The following DCUN1D4 variants were observed in gnomAD, a reference collection of about 807,000 sequenced individuals.
DCUN1D4 encodes DCN1-like protein 4.
Under a neutral mutation model 47.9 loss-of-function variants are expected in DCUN1D4, and 22 were observed. The observed-to-expected ratio is 0.46, with a 90% CI of 0.33 to 0.66. DCUN1D4 has a LOEUF of 0.66. DCUN1D4 is among the 30% of genes least tolerant of loss of function. DCUN1D4 has a pLI of 0.02. For synonymous variants in DCUN1D4, 121 were observed against 112.2 expected, an observed-to-expected ratio of 1.08 and a Z score of -0.50; for missense variants, 301 against 340.8, an observed-to-expected ratio of 0.88 and a Z score of 0.92.
chr4:51,885,297 T>TG (rs926439934), intron 5 of DCUN1D4, among the ~76,000 whole-genome samples: 23 of 152,262 alleles, frequency 1.5e-4, no homozygotes, highest in African/African-American at 5.5e-4. Context: ...TGAAAGAGCA[T>TG]GGTGCAGGAG....
rs548271504 is a variant in DCUN1D4, at chr4:51,894,871, G to A, written c.506+3020G>A. Among the ~76,000 whole-genome samples, 16 of 152,176 alleles carry A rather than the reference G, an allele frequency of 1.1e-4. No homozygotes were observed. In the South Asian group the frequency reaches 2.3e-3, roughly 22 times the overall value. Reference sequence around the variant, plus strand: ...TATAACAGAATGTTTTAGACTGGGTGGCTTATAAATAAAATTCCAGAGAAT... The same window carrying A: ...TATAACAGAATGTTTTAGACTGGGTAGCTTATAAATAAAATTCCAGAGAAT... On this transcript the variant is annotated intron_variant, in intron 7 of 10. Coordinates refer to ENST00000334635, the MANE Select transcript of DCUN1D4 (RefSeq NM_001040402.3).
chr4:51,866,934 T>C (rs942294358), intron 3 of DCUN1D4, among the ~76,000 whole-genome samples: 1 of 152,222 alleles, frequency 6.6e-6, no homozygotes, highest in African/African-American at 2.4e-5. Flanking sequence ...TTCCACCCAC[T>C]TGGCCAGGCA....
At chr4:51,879,515 G>A (rs1309682546) in intron 5 of DCUN1D4, among the ~76,000 whole-genome samples, 1 of 152,204 alleles carries the variant, frequency 6.6e-6, no homozygotes, top group Non-Finnish European at 1.5e-5. Flanking sequence ...GCTGAGGCAG[G>A]AGAATCACTC....
At chr4:51,913,068 C>A (rs555194803) in intron 9 of DCUN1D4, among the ~76,000 whole-genome samples, 1 of 151,996 alleles carries the variant, frequency 6.6e-6, no homozygotes, top group South Asian at 2.1e-4. Context: ...ATGTGCTTTC[C>A]ATTTTGTATT....
intron 1 of DCUN1D4, among the ~76,000 whole-genome samples, chr4:51,854,221 A>C (rs892098760): frequency 6.6e-6 from 1 of 152,246 alleles, no homozygotes; most frequent in African/African-American, 2.4e-5. Context: ...ATCAGTTAGC[A>C]TACAGAGTTG....
At chr4:51,836,844 T>G in the DCUN1D4 span, among the ~76,000 whole-genome samples, 1 of 152,172 alleles carries the variant, frequency 6.6e-6, no homozygotes, top group Admixed American at 6.5e-5. Context: ...TCAGCTGCCA[T>G]GCAGCCACCA....
rs1160638673 is a variant in DCUN1D4 at position 51,843,181 on chromosome 4, T to TG, written c.-56dup. The TG allele has an allele frequency of 3.1e-5, 47 of 1,533,594 alleles. No homozygotes were observed. The highest frequency in any genetic ancestry group is 2.0e-4 in the Middle Eastern group (1 of 5,020). 95.0% of individuals were successfully genotyped at this position (1,533,594 alleles called of 1,614,324 possible). ...TTCGAGCCGAGGTGCAGTGAGCTGG[T>TG]GGGGGGACCGCGAGGCGAGCGCGGG... On this transcript the variant is annotated 5_prime_UTR_variant, in exon 1 of 11. Coordinates refer to ENST00000334635, the MANE Select transcript of DCUN1D4 (RefSeq NM_001040402.3).
chr4:51,910,469 A>ATTGATAGACTTCCTGCC (rs1474902279), intron 8 of DCUN1D4, among the ~76,000 whole-genome samples: 1 of 152,150 alleles, frequency 6.6e-6, no homozygotes, highest in East Asian at 1.9e-4. Flanking sequence ...GAAGGACTGT[A>ATTGATAGACTTCCTGCC]TTGATAGACT....
chr4:51,886,444 A>G, intron 5 of DCUN1D4, 124 bp from the exon 6 acceptor site: 1 of 728,480 alleles, frequency 1.4e-6, no homozygotes, highest in South Asian at 2.8e-5. Context: ...CTTAGACTTG[A>G]TTTTTTTTTC....
At chr4:51,870,877 T>C (rs1446266314) in intron 3 of DCUN1D4, among the ~76,000 whole-genome samples, 1 of 147,950 alleles carries the variant, frequency 6.8e-6, no homozygotes, top group African/African-American at 2.5e-5. Context: ...TAAAAAGTTG[T>C]TTTTTTTTTG....
rs962552150 is a variant in DCUN1D4 at position 51,891,674 on chromosome 4, T to A, written c.415-86T>A. 3 of 1,047,570 alleles carry A rather than the reference T, an allele frequency of 2.9e-6. No homozygotes were observed. The African/African-American group carries it at 4.9e-5, about 17-fold the overall frequency. The allele number at this position is 1,047,570 out of a possible 1,614,324, so 64.9% of individuals were successfully genotyped here. A position where few individuals can be genotyped will look rare whatever the true frequency, so the allele number is the denominator to read the frequency against. ...GTGAACAGAAGCATTTAGCAAAACG[T>A]TAATGTATTAATGACAGATCTATTT... is the stretch of plus-strand genomic sequence containing the variant. On this transcript the variant is annotated intron_variant, in intron 6 of 10. Transcript: ENST00000334635.
At chr4:51,848,767 A>T (rs1722933813) in intron 1 of DCUN1D4, among the ~76,000 whole-genome samples, 1 of 152,224 alleles carries the variant, frequency 6.6e-6, no homozygotes, top group Non-Finnish European at 1.5e-5. Context: ...AGTATCTGCT[A>T]CTTCAGGTTT....
At chr4:51,854,487 A>G (rs913622323) in intron 1 of DCUN1D4, among the ~76,000 whole-genome samples, 1 of 152,206 alleles carries the variant, frequency 6.6e-6, no homozygotes, top group African/African-American at 2.4e-5. Context: ...CAGGATACTA[A>G]GCAAAACTAA....
In DCUN1D4 at chr4:51,868,862, G is replaced by A. The variant is rs1726396328; in HGVS notation, c.136+5153G>A. 2.6e-5 allele frequency among the ~76,000 whole-genome samples: 4 copies of A among 152,172 alleles called. 1 individual carries two copies. In the South Asian group the frequency reaches 8.3e-4, roughly 31 times the overall value. On this transcript the variant is annotated intron_variant, in intron 3 of 10. Transcript: ENST00000334635. ...AGGCTGGGTGTGGTGGCTCACGCCT[G>A]TAATCCTAGGACTTTGGGAGGCTGA...
chr4:51,885,160 T>G (rs1729257809), intron 5 of DCUN1D4, among the ~76,000 whole-genome samples: 1 of 152,134 alleles, frequency 6.6e-6, no homozygotes, highest in African/African-American at 2.4e-5. Flanking sequence ...TGAAGGATTT[T>G]AAGCCAGCAT....
chr4:51,887,261 T>C (rs1729648778), intron 6 of DCUN1D4: 2 of 342,224 alleles, frequency 5.8e-6, no homozygotes, highest in Non-Finnish European at 5.7e-6. Flanking sequence ...GCCACCATGC[T>C]TGGCTAATGT....
intron 6 of DCUN1D4, 122 bp from the exon 7 acceptor site, chr4:51,891,638 A>G (rs17051580): frequency 0.03 from 21,528 of 715,602 alleles, 428 homozygotes; most frequent in Middle Eastern, 0.051. Flanking sequence ...TATTTCAGTG[A>G]CTAAACTACT....
At chr4:51,858,240 G>A (rs1724453113) in intron 1 of DCUN1D4, among the ~76,000 whole-genome samples, 1 of 152,100 alleles carries the variant, frequency 6.6e-6, no homozygotes, top group South Asian at 2.1e-4. Context: ...ATCCATCAAA[G>A]GTGATATTAA....
At chr4:51,858,726 T>C (rs1724533845) in intron 1 of DCUN1D4, among the ~76,000 whole-genome samples, 1 of 152,266 alleles carries the variant, frequency 6.6e-6, no homozygotes, top group African/African-American at 2.4e-5. Context: ...TTTTAATTAC[T>C]GTACCTTTAT....
Sources: gnomAD v4.1 joint callset for allele counts (sites outside exome capture counted in the v4.1 genomes callset) on GRCh38, gnomAD v4.1.1 for gene constraint, MANE v1.5 for transcripts, NCBI Gene and HGNC (gene_info 2026-07-23, HGNC 2026-07-21) for gene names.